DSCAM: variants seen among roughly 807,000 people sequenced by gnomAD.
The protein encoded by DSCAM is cell adhesion molecule DSCAM.
Under a neutral mutation model 217.7 loss-of-function variants are expected in DSCAM, and 47 were observed. That is an observed-to-expected ratio of 0.22 (90% CI 0.17 to 0.28). DSCAM has a LOEUF of 0.28. Among genes scored for constraint, DSCAM ranks in the 10% least tolerant of loss-of-function variants. The pLI is 1.00. For synonymous variants in DSCAM, 1,056 were observed against 1,015.3 expected (o/e 1.04, Z -0.76); for missense variants, 2,080 against 2,618.3 (o/e 0.79, Z 4.49).
chr21:40,550,424 C>A (rs1418745938), intron 3 of DSCAM, among the ~76,000 whole-genome samples: 1 of 152,152 alleles, frequency 6.6e-6, no homozygotes, highest in African/African-American at 2.4e-5. Flanking sequence ...ACCCAGGAGG[C>A]TGAGGCAGGA....
At chr21:40,099,951 C>T (rs1189378946) in intron 20 of DSCAM, among the ~76,000 whole-genome samples, 3 of 152,168 alleles carry the variant, frequency 2.0e-5, no homozygotes, top group East Asian at 1.9e-4. Flanking sequence ...AGGCTAATGG[C>T]GAACCACAGT....
At chr21:40,092,912 A>G (rs985032588) in intron 21 of DSCAM, among the ~76,000 whole-genome samples, 3 of 152,078 alleles carry the variant, frequency 2.0e-5, no homozygotes, top group African/African-American at 4.8e-5. Context: ...TTTCTTAACT[A>G]TCTCATTAAA....
intron 18 of DSCAM, among the ~76,000 whole-genome samples, chr21:40,138,961 G>C (rs2090253016): frequency 6.7e-6 from 1 of 148,708 alleles, no homozygotes; most frequent in Admixed American, 6.7e-5. Context: ...GTGTGGTGTG[G>C]TGTGTGGTGT....
In DSCAM at chr21:40,295,965, A is replaced by T. The variant is rs2073949517; in HGVS notation, c.2182+90T>A. Reference sequence around the variant, plus strand: ...CAGAGATACGTATCTACTTGCAAGAAACTTCTCTGGAAATCTAGAAATGCT... The same window carrying T: ...CAGAGATACGTATCTACTTGCAAGATACTTCTCTGGAAATCTAGAAATGCT... On this transcript the variant is annotated intron_variant, in intron 10 of 32. Coordinates refer to ENST00000400454, the MANE Select transcript of DSCAM (RefSeq NM_001389.5). 2.0e-6 allele frequency: 3 copies of T among 1,482,530 alleles called. No homozygotes were observed. In the Admixed American group the frequency reaches 6.6e-5, roughly 33 times the overall value. 91.8% of individuals were successfully genotyped at this position (1,482,530 alleles called of 1,614,324 possible). A position where few individuals can be genotyped will look rare whatever the true frequency, so the allele number is the denominator to read the frequency against.
At chr21:40,191,732 T>C (rs2090954665) in intron 11 of DSCAM, among the ~76,000 whole-genome samples, 1 of 152,184 alleles carries the variant, frequency 6.6e-6, no homozygotes, top group South Asian at 2.1e-4. Flanking sequence ...CCATGCTCCC[T>C]CTAAGAGCTC....
Position 40,793,259 on chromosome 21 carries a change from A to G in DSCAM, c.43+53360T>C, listed in dbSNP as rs533623530. ...AGAAGTGGCTGGCTGGAGGCCTGTG[A>G]TGGGAGGGATTCTGAGGTTTAGACT... On this transcript the variant is annotated intron_variant, in intron 1 of 32. Coordinates refer to ENST00000400454, the MANE Select transcript of DSCAM (RefSeq NM_001389.5). Among the ~76,000 whole-genome samples, 60 of 152,118 alleles carry G rather than the reference A, an allele frequency of 3.9e-4. 1 individual carries two copies. In the South Asian group the frequency reaches 8.5e-3, roughly 22 times the overall value.
chr21:40,190,254 A>G (rs1210843372), intron 11 of DSCAM, among the ~76,000 whole-genome samples: 1 of 152,146 alleles, frequency 6.6e-6, no homozygotes, highest in Non-Finnish European at 1.5e-5. Flanking sequence ...TCCCACCCCA[A>G]TTCCACAAGC....
chr21:40,344,752 CTTTGTG>C (rs1198623901), intron 6 of DSCAM, among the ~76,000 whole-genome samples: 2 of 152,116 alleles, frequency 1.3e-5, no homozygotes, highest in Admixed American at 1.3e-4. Flanking sequence ...ATAGAATTTT[CTTTGTG>C]TTTATTTTTG....
intron 1 of DSCAM, among the ~76,000 whole-genome samples, chr21:40,738,312 A>G (rs1002389892): frequency 6.6e-6 from 1 of 152,330 alleles, no homozygotes; most frequent in African/African-American, 2.4e-5. Context: ...CTCTTTTCCT[A>G]AAGCAAACAG....
Position 40,064,132 on chromosome 21 carries a change from A to T in DSCAM, c.4889-1233T>A, listed in dbSNP as rs568267525. ...ACTTACAAAGTATATATATATATATATGTGCTTATATATACTTCATGTATG... is the reference window on the plus strand; with the variant it reads ...ACTTACAAAGTATATATATATATATTTGTGCTTATATATACTTCATGTATG... On this transcript the variant is annotated intron_variant, in intron 27 of 32. Coordinates refer to ENST00000400454, the MANE Select transcript of DSCAM (RefSeq NM_001389.5). Among the ~76,000 whole-genome samples, 315 of 148,754 alleles carry T rather than the reference A, an allele frequency of 2.1e-3. 2 individuals carry two copies. Among genetic ancestry groups the T allele is most frequent in the South Asian group, 5.4e-3 (25 of 4,666 alleles).
intron 11 of DSCAM, among the ~76,000 whole-genome samples, chr21:40,239,801 G>A (rs1028272057): frequency 7.2e-5 from 11 of 152,230 alleles, no homozygotes; most frequent in Non-Finnish European, 5.9e-5. Context: ...TTAGAAAACC[G>A]GGCTGGAAAT....
At chr21:40,409,968 C>G (rs1039612259) in intron 3 of DSCAM, among the ~76,000 whole-genome samples, 5 of 151,868 alleles carry the variant, frequency 3.3e-5, no homozygotes, top group Admixed American at 2.6e-4. Context: ...ATGTCTAAAG[C>G]AGAAATATGT....
At chr21:40,264,370 T>C (rs756194641) in intron 11 of DSCAM, among the ~76,000 whole-genome samples, 2 of 152,068 alleles carry the variant, frequency 1.3e-5, no homozygotes, top group African/African-American at 4.8e-5. Flanking sequence ...TAATTCACCA[T>C]GATAATTCTA....
At chr21:40,387,811 A>C (rs1308224626) in intron 3 of DSCAM, among the ~76,000 whole-genome samples, 1 of 152,258 alleles carries the variant, frequency 6.6e-6, no homozygotes, top group African/African-American at 2.4e-5. Flanking sequence ...AGTGAATAAG[A>C]GTATATCATA....
intron 19 of DSCAM, among the ~76,000 whole-genome samples, chr21:40,127,025 C>T (rs2090101444): frequency 6.6e-6 from 1 of 152,202 alleles, no homozygotes; most frequent in Admixed American, 6.5e-5. Context: ...GGCTCTAGCA[C>T]TTAGTTCCAC....
intron 24 of DSCAM, among the ~76,000 whole-genome samples, chr21:40,083,635 AAG>A (rs1281546770): frequency 6.6e-6 from 1 of 152,248 alleles, no homozygotes; most frequent in East Asian, 1.9e-4. Context: ...AATCTCAAAA[AAG>A]AGATATCCAA....
intron 1 of DSCAM, among the ~76,000 whole-genome samples, chr21:40,789,590 C>G (rs1601261810): frequency 7.2e-6 from 1 of 139,718 alleles, no homozygotes; most frequent in East Asian, 2.1e-4. Flanking sequence ...GAGTCTTGCA[C>G]TGTTGCCCAG....
At chr21:40,106,932 TG>T (rs1741874621) in intron 20 of DSCAM, among the ~76,000 whole-genome samples, 1 of 152,070 alleles carries the variant, frequency 6.6e-6, no homozygotes, top group Admixed American at 6.6e-5. Flanking sequence ...CTCCTGGATT[TG>T]TTGATCCATT....
intron 3 of DSCAM, among the ~76,000 whole-genome samples, chr21:40,599,737 GAGA>G (rs886909313): frequency 2.0e-5 from 3 of 152,232 alleles, no homozygotes; most frequent in African/African-American, 4.8e-5. Flanking sequence ...GAAGAAAAGA[GAGA>G]AGAATAGACA....
Sources: gnomAD v4.1 joint callset for allele counts (sites outside exome capture counted in the v4.1 genomes callset) on GRCh38, gnomAD v4.1.1 for gene constraint, MANE v1.5 for transcripts, NCBI Gene and HGNC (gene_info 2026-07-23, HGNC 2026-07-21) for gene names.